Variants in RAB10 observed in about 807,000 individuals in gnomAD.
The protein encoded by RAB10 is ras-related protein Rab-10.
Under a neutral mutation model 25.7 loss-of-function variants are expected in RAB10, and 5 were observed. The ratio of observed to expected loss-of-function variants is 0.19; its 90% CI spans 0.10 to 0.41. The LOEUF (loss-of-function observed/expected upper bound fraction) is 0.41. Among genes scored for constraint, RAB10 ranks in the 10% least tolerant of loss-of-function variants. The pLI, the probability that RAB10 is intolerant of heterozygous loss-of-function variation, is 1.00. For synonymous variants in RAB10, 89 were observed against 86.4 expected (o/e 1.03, Z -0.16); for missense variants, 103 against 245.8 (o/e 0.42, Z 3.89).
At position 26,034,714 on chromosome 2, in the gene RAB10, A is replaced by G; in HGVS notation, c.106A>G (p.Thr36Ala). 6.2e-7 allele frequency: 1 copy of G among 1,614,174 alleles called. No homozygotes were observed. Among genetic ancestry groups the G allele is most frequent in the Non-Finnish European group, 8.5e-7 (1 of 1,180,024 alleles). ...TCGTTTTTCGGATGATGCCTTCAATACTACCTTTATTTCCACCATAGGTAA... is the reference window on the plus strand; with the variant it reads ...TCGTTTTTCGGATGATGCCTTCAATGCTACCTTTATTTCCACCATAGGTAA... ...LFRFSDDAFN[T>A]TFISTIGIDF... Residue 36 changes from threonine to alanine, a missense_variant, in exon 1 of 6, where the codon ACT becomes GCT. By Grantham distance (58) the Thr-to-Ala change is moderately conservative (BLOSUM62 0). This residue lies in a region of RAB10 where 79 missense variants were observed against 217.8 expected (regional missense o/e 0.36). Transcript: ENST00000264710.
intron 1 of RAB10, among the ~76,000 whole-genome samples, chr2:26,057,215 A>G (rs1574531013): frequency 6.6e-6 from 1 of 152,274 alleles, no homozygotes; most frequent in East Asian, 1.9e-4. Context: ...GTCTTGAGAA[A>G]TAAAACTACT....
chr2:26,126,631 T>G (rs1025225296), intron 3 of RAB10, among the ~76,000 whole-genome samples: 1 of 152,192 alleles, frequency 6.6e-6, no homozygotes. Flanking sequence ...TCCATATGAA[T>G]TTTTGGATAG....
At chr2:26,123,455 A>G (rs1222712038) in intron 3 of RAB10, among the ~76,000 whole-genome samples, 1 of 152,240 alleles carries the variant, frequency 6.6e-6, no homozygotes, top group Non-Finnish European at 1.5e-5. Context: ...AAAGCCATCA[A>G]GCACAAAACA....
At position 26,083,972 on chromosome 2, in the gene RAB10, T is replaced by A. The variant is rs532759837; in HGVS notation, c.128-14690T>A. ...GACATGGAAAACTACAAAATATCGC[T>A]GAGAGAACTAAAGACAGCCCAAATA... On this transcript the variant is annotated intron_variant, in intron 1 of 5. Transcript: ENST00000264710. Among the ~76,000 whole-genome samples the A allele has an allele frequency of 2.4e-4, 36 of 152,320 alleles. No homozygotes were observed. The South Asian group carries it at 7.5e-3, about 32-fold the overall frequency.
chr2:26,070,237 G>T (rs1460361245), intron 1 of RAB10, among the ~76,000 whole-genome samples: 1 of 152,208 alleles, frequency 6.6e-6, no homozygotes, highest in Admixed American at 6.5e-5. Flanking sequence ...TTTCTAGGAC[G>T]TGTGCAGATG....
chr2:26,046,202 G>A (rs577334299), intron 1 of RAB10, among the ~76,000 whole-genome samples: 1 of 152,232 alleles, frequency 6.6e-6, no homozygotes, highest in East Asian at 1.9e-4. Flanking sequence ...GCGCATGCCT[G>A]TAGTCCCAGC....
intron 1 of RAB10, among the ~76,000 whole-genome samples, chr2:26,042,947 A>G (rs1416594564): frequency 6.6e-6 from 1 of 152,012 alleles, no homozygotes; most frequent in Non-Finnish European, 1.5e-5. Flanking sequence ...TAACAACAAC[A>G]ACAAACGACA....
chr2:26,130,705 T>G (rs1485113254), intron 5 of RAB10, among the ~76,000 whole-genome samples: 2 of 152,206 alleles, frequency 1.3e-5, no homozygotes, highest in Non-Finnish European at 2.9e-5. Flanking sequence ...CACCCTGGCC[T>G]CCTGAATTGT....
At chr2:26,101,775 A>T (rs1488683785) in intron 2 of RAB10, 1 of 152,222 alleles carries the variant, frequency 6.6e-6, no homozygotes, top group African/African-American at 2.4e-5. Flanking sequence ...ACACAGACTG[A>T]TGTGACTCTT....
At chr2:26,080,753 G>A (rs993628846) in intron 1 of RAB10, among the ~76,000 whole-genome samples, 3 of 151,996 alleles carry the variant, frequency 2.0e-5, no homozygotes, top group Non-Finnish European at 4.4e-5. Context: ...TTAACTCCTG[G>A]CCTCCCAAAG....
chr2:26,065,690 TATC>T (rs1173310158), intron 1 of RAB10, among the ~76,000 whole-genome samples: 3 of 152,208 alleles, frequency 2.0e-5, no homozygotes, highest in Admixed American at 6.5e-5. Flanking sequence ...TTTCCAAAAA[TATC>T]ATTGACATGT....
At chr2:26,107,824 T>G (rs111815786) in intron 2 of RAB10, among the ~76,000 whole-genome samples, 5 of 145,772 alleles carry the variant, frequency 3.4e-5, no homozygotes, top group African/African-American at 1.3e-4. Flanking sequence ...AACAAAAAAC[T>G]AACAATCCAA....
chr2:26,050,132 TATC>T (rs1179390445), intron 1 of RAB10, among the ~76,000 whole-genome samples: 2 of 152,246 alleles, frequency 1.3e-5, no homozygotes, highest in Admixed American at 6.5e-5. Context: ...CCTTTGAGCA[TATC>T]ATCCTATCGT....
chr2:26,086,310 T>C (rs1218435680), intron 1 of RAB10, among the ~76,000 whole-genome samples: 1 of 152,130 alleles, frequency 6.6e-6, no homozygotes, highest in Non-Finnish European at 1.5e-5. Context: ...AAAGGACTTG[T>C]GGAGTTCAAA....
At chr2:26,097,083 G>C (rs1378558295) in intron 1 of RAB10, among the ~76,000 whole-genome samples, 1 of 152,128 alleles carries the variant, frequency 6.6e-6, no homozygotes, top group Admixed American at 6.5e-5. Flanking sequence ...TAGACATGGT[G>C]GCTCGTGCCT....
chr2:26,070,099 A>G (rs7606885), intron 1 of RAB10, among the ~76,000 whole-genome samples: 49 of 152,376 alleles, frequency 3.2e-4, no homozygotes, highest in African/African-American at 1.1e-3. Flanking sequence ...ATATTGAGCT[A>G]TAATGGATGT....
chr2:26,054,954 C>A (rs61014754), intron 1 of RAB10, among the ~76,000 whole-genome samples: 5,157 of 151,258 alleles, frequency 0.034, 292 homozygotes, highest in African/African-American at 0.12. Context: ...GCACTGCAGC[C>A]TGGGTGACAG....
chr2:26,117,556 A>C (rs1294544566), intron 3 of RAB10, among the ~76,000 whole-genome samples: 1 of 148,966 alleles, frequency 6.7e-6, no homozygotes, highest in African/African-American at 2.5e-5. Flanking sequence ...CGGAGCTTGC[A>C]GTGAGCCAAG....
At chr2:26,042,913 C>T (rs7602922) in intron 1 of RAB10, 127,121 of 152,096 alleles carry the variant, frequency 0.84, 53,568 homozygotes, top group African/African-American at 0.96. Context: ...TGAGATGTTA[C>T]TTTGCGACCA....
Sources: allele counts gnomAD v4.1 joint callset (sites outside exome capture counted in the v4.1 genomes callset), GRCh38; gene constraint gnomAD v4.1.1; regional missense constraint gnomAD v4.1.1; transcripts MANE v1.5; gene names NCBI Gene and HGNC (gene_info 2026-07-23, HGNC 2026-07-21).